Variants in CC2D1A observed in about 807,000 individuals in gnomAD.
CC2D1A encodes the protein coiled-coil and C2 domain containing 1A.
A neutral mutation model predicts 123.8 loss-of-function variants in CC2D1A; 68 were observed. The observed-to-expected ratio is 0.55, with a 90% CI of 0.45 to 0.67. CC2D1A has a LOEUF of 0.67. Ranked by LOEUF, CC2D1A falls within the 30% of genes least tolerant of loss-of-function variation. The pLI, the probability that CC2D1A is intolerant of heterozygous loss-of-function variation, is 0.00. For missense variants in CC2D1A, 1,185 were observed against 1,290.3 expected (o/e 0.92, Z 1.25); for synonymous variants, 477 against 528.0 (o/e 0.90, Z 1.32).
At chr19:13,919,982 C>T in intron 12 of CC2D1A, 31 bp downstream of exon 12, 1 of 1,593,030 alleles carries the variant, frequency 6.3e-7, no homozygotes, top group African/African-American at 1.3e-5. Context: ...CGCAGTGGCT[C>T]ACACCTGTAG....
rs1971489080 is a variant in CC2D1A at position 13,923,668 on chromosome 19, A to T, written c.1824-27A>T. 8.7e-6 allele frequency: 14 copies of T among 1,612,136 alleles called. No individual in the cohort carries two copies. The East Asian group carries it at 3.1e-4, about 36-fold the overall frequency. ...CAGCCACCCATCCCCAGGGCCAGGG[A>T]CATGAGCAGGGCCCTCCCACCGGCA... is the stretch of plus-strand genomic sequence containing the variant. On this transcript the variant is annotated intron_variant, in intron 16 of 28. Transcript: ENST00000318003. This position sits in a 1 kb window ranked among gnomAD's most constrained non-coding sequence, Gnocchi z 5.3.
At position 13,913,624 on chromosome 19, in the gene CC2D1A, C is replaced by A; in HGVS notation, c.734C>A (p.Pro245His). The A allele has an allele frequency of 6.2e-7, 1 of 1,605,380 alleles. No individual in the cohort carries two copies. Among genetic ancestry groups the A allele is most frequent in the African/African-American group, 1.3e-5 (1 of 74,824 alleles). The change falls in exon 6 of 29, where the codon CCC becomes CAC. Residue 245 changes from proline (P) to histidine (H), a missense_variant. Coordinates refer to ENST00000318003, the MANE Select transcript of CC2D1A (RefSeq NM_017721.5). ...APASSPGLAK[P>H]QMPPGPCSPG... ...GCCTCATCTCCAGGCTTGGCTAAGC[C>A]CCAGATGCCCCCAGGTAGGTGATGG... is the stretch of plus-strand genomic sequence containing the variant.
chr19:13,908,927 CTCTT>C (rs992750994), intron 1 of CC2D1A, among the ~76,000 whole-genome samples: 7 of 151,548 alleles, frequency 4.6e-5, no homozygotes, highest in African/African-American at 7.3e-5. Flanking sequence ...GGCTCCATCT[CTCTT>C]TCTTTCTTTC....
chr19:13,912,963 G>T (rs1393566805), intron 4 of CC2D1A, among the ~76,000 whole-genome samples: 1 of 152,190 alleles, frequency 6.6e-6, no homozygotes, highest in Non-Finnish European at 1.5e-5. Context: ...ATCCTTCACA[G>T]CCATGTGACC....
rs1970988267 is a variant in CC2D1A at position 13,911,348 on chromosome 19, C to T, written c.197-975C>T. On this transcript the variant is annotated intron_variant, in intron 2 of 28. Coordinates refer to ENST00000318003, the MANE Select transcript of CC2D1A (RefSeq NM_017721.5). ...TTATAGAATGTAACATAACTAATAA[C>T]AAGATATTGGCAATATGCTATTCTA... Among the ~76,000 whole-genome samples, 5 of 152,178 alleles carry T rather than the reference C, an allele frequency of 3.3e-5. No homozygotes were observed. The South Asian group carries it at 1.0e-3, about 31-fold the overall frequency.
At position 13,923,935 on chromosome 19, in the gene CC2D1A, A is replaced by C. The variant is rs1195891276; in HGVS notation, c.1940+124A>C. ...CTGGAAGAAATTTTGGATAGGTGGA[A>C]GAGCACAGAGCATGCAAAGGCTCTG... On this transcript the variant is annotated intron_variant, in intron 17 of 28. Transcript: ENST00000318003. This position sits in a 1 kb window ranked among gnomAD's most constrained non-coding sequence, Gnocchi z 5.3. 2.9e-6 allele frequency: 2 copies of C among 689,326 alleles called. No individual in the cohort carries two copies. The highest frequency in any genetic ancestry group is 5.2e-5 in the East Asian group (2 of 38,272). The allele number at this position is 689,326 out of a possible 1,614,324, so 42.7% of individuals were successfully genotyped here. A position where few individuals can be genotyped will look rare whatever the true frequency, so the allele number is the denominator to read the frequency against.
At chr19:13,920,241 A>T in intron 12 of CC2D1A, 1 of 513,106 alleles carries the variant, frequency 1.9e-6, no homozygotes, top group Non-Finnish European at 3.4e-6. Context: ...ACAGAGCAAG[A>T]CCTCATCTCC....
chr19:13,913,677 G>C (rs1287026230), intron 6 of CC2D1A, 39 bp downstream of exon 6: 1 of 1,477,566 alleles, frequency 6.8e-7, no homozygotes, highest in South Asian at 1.3e-5. Flanking sequence ...TGGGATCCGA[G>C]TGGGCCATCT....
chr19:13,912,246 C>A, intron 2 of CC2D1A, 77 bp from the exon 3 acceptor site: 3 of 1,450,820 alleles, frequency 2.1e-6, no homozygotes, highest in Non-Finnish European at 9.3e-7. Flanking sequence ...AGTGGGATCA[C>A]CTAGCGTGTC....
At chr19:13,910,349 A>G (rs1345588381) in intron 2 of CC2D1A, among the ~76,000 whole-genome samples, 1 of 147,308 alleles carries the variant, frequency 6.8e-6, no homozygotes, top group Non-Finnish European at 1.5e-5. Flanking sequence ...CGGAGCTTGC[A>G]GTGAGCCGAG....
At chr19:13,912,679 G>A in intron 4 of CC2D1A, 86 bp downstream of exon 4, 1 of 1,346,494 alleles carries the variant, frequency 7.4e-7, no homozygotes, top group Non-Finnish European at 1.1e-6. Context: ...ATGAGATGGA[G>A]TCTTGCTGTG....
chr19:13,918,183 C>T lies in CC2D1A; in HGVS notation c.862C>T (p.Arg288Cys), dbSNP rs748702458. The stretch of plus-strand genomic sequence containing the variant: ...TACCACTGCTGCCGCTAGACACTTC[C>T]GCGTGGCTAAGGTGCGTCCAGCCTG... ...GDTTAAARHF[R>C]VAKSFDAVLE... is the part of the protein sequence containing the mutation. The change falls in exon 7 of 29, where the codon CGC becomes TGC. Residue 288 changes from arginine to cysteine, a missense_variant. Arg to Cys is a radical substitution (Grantham distance 180). Transcript: ENST00000318003. 100 of 1,593,842 alleles carry T rather than the reference C, an allele frequency of 6.3e-5. No individual in the cohort carries two copies. The highest frequency in any genetic ancestry group is 8.2e-5 in the Non-Finnish European group (96 of 1,170,228).
At position 13,928,025 on chromosome 19, in the gene CC2D1A, C is replaced by G; in HGVS notation, c.2449C>G (p.Pro817Ala). The G allele has an allele frequency of 1.2e-6, 2 of 1,613,506 alleles. No homozygotes were observed. Among genetic ancestry groups the G allele is most frequent in the Non-Finnish European group, 1.7e-6 (2 of 1,179,774 alleles). The change falls in exon 23 of 29, where the codon CCC (proline) becomes GCC (alanine). Residue 817 changes from proline to alanine, a missense_variant. Transcript: ENST00000318003. ...LVIDPVPAAV[P>A]TQVAGPKGKA... ...CATTGACCCTGTGCCGGCAGCTGTG[C>G]CCACAGTGAGACCCCCCACCCCCAC...
chr19:13,919,281 A>C, intron 11 of CC2D1A, 79 bp downstream of exon 11: 2 of 1,138,050 alleles, frequency 1.8e-6, no homozygotes, highest in Non-Finnish European at 2.5e-6. Flanking sequence ...CGCCGCTGGC[A>C]GGCTGTGCCC....
In CC2D1A at chr19:13,919,120, G is replaced by A; in HGVS notation, c.1150-10G>A. 1.2e-6 allele frequency: 2 copies of A among 1,611,116 alleles called. No individual in the cohort carries two copies. Among genetic ancestry groups the A allele is most frequent in the Non-Finnish European group, 1.7e-6 (2 of 1,178,408 alleles). On this transcript the variant is annotated splice_polypyrimidine_tract_variant and intron_variant, in intron 10 of 28. Coordinates refer to ENST00000318003, the MANE Select transcript of CC2D1A (RefSeq NM_017721.5). ...CCCACAGGCAGCCCTAACACCTGTG[G>A]CCCTCGCAGCAATACCAAGATGCCA...
rs1309297006 is a variant in CC2D1A, at chr19:13,918,734, C to T, written c.947-12C>T. ...ACAAGCCCCTCATTGGCCTGGACCT[C>T]TCTGTCCCCAGACCAGCTGCCCCCA... On this transcript the variant is annotated splice_polypyrimidine_tract_variant and intron_variant, in intron 8 of 28. Coordinates refer to ENST00000318003, the MANE Select transcript of CC2D1A (RefSeq NM_017721.5). 3.1e-6 allele frequency: 5 copies of T among 1,608,686 alleles called. No individual in the cohort carries two copies. The highest frequency in any genetic ancestry group is 4.2e-6 in the Non-Finnish European group (5 of 1,177,334).
intron 2 of CC2D1A, among the ~76,000 whole-genome samples, chr19:13,910,407 C>CAAAA (rs766322114): frequency 2.4e-5 from 1 of 40,852 alleles, no homozygotes; most frequent in East Asian, 7.6e-4. Flanking sequence ...GACTCCGTCT[C>CAAAA]AAAAAAAAAA....
intron 6 of CC2D1A, among the ~76,000 whole-genome samples, chr19:13,914,673 T>G (rs997044962): frequency 1.3e-5 from 2 of 149,134 alleles, no homozygotes; most frequent in Non-Finnish European, 1.5e-5. Flanking sequence ...AGTCTCACTC[T>G]ATTGCCCAGG....
intron 19 of CC2D1A, 40 bp from the exon 20 acceptor site, chr19:13,926,781 C>T (rs1293939409): frequency 1.2e-6 from 2 of 1,613,940 alleles, no homozygotes; most frequent in East Asian, 2.2e-5. Flanking sequence ...AAAGCCAGGT[C>T]CCAGGCCCCC....
Sources: allele counts gnomAD v4.1 joint callset (sites outside exome capture counted in the v4.1 genomes callset), GRCh38; gene constraint gnomAD v4.1.1; non-coding constraint Gnocchi (gnomAD v3.1); transcripts MANE v1.5; gene names NCBI Gene and HGNC (gene_info 2026-07-23, HGNC 2026-07-21).